Variants in EIF2AK2 observed in about 807,000 individuals in gnomAD.
EIF2AK2 encodes the protein interferon-induced, double-stranded RNA-activated protein kinase.
EIF2AK2 carries 40 observed loss-of-function variants against 70.5 expected under a neutral mutation model. The observed-to-expected ratio is 0.57, with a 90% confidence interval of 0.44 to 0.74. EIF2AK2 has a LOEUF of 0.74. Ranked by LOEUF, EIF2AK2 falls within the 30% of genes least tolerant of loss-of-function variation. EIF2AK2 has a pLI of 0.00. For synonymous variants in EIF2AK2, 198 were observed against 220.9 expected, an observed-to-expected ratio of 0.90 and a Z score of 0.92; for missense variants, 555 against 644.3, an observed-to-expected ratio of 0.86 and a Z score of 1.50.
chr2:37,131,967 G>C (rs180727433), intron 10 of EIF2AK2, among the ~76,000 whole-genome samples: 126 of 152,310 alleles, frequency 8.3e-4, no homozygotes, highest in African/African-American at 2.8e-3. Context: ...TTTGGAGCAA[G>C]TGGGGCTATC....
chr2:37,114,677 A>G (rs1674273451), intron 14 of EIF2AK2, 54 bp downstream of exon 14: 2 of 1,440,472 alleles, frequency 1.4e-6, no homozygotes, highest in Admixed American at 2.6e-5. Flanking sequence ...TACTCTTTTT[A>G]TAATTTTCAA....
In EIF2AK2 at chr2:37,114,726, C is replaced by G; in HGVS notation, c.1377+5G>C. 2 of 1,546,190 alleles carry G rather than the reference C, an allele frequency of 1.3e-6. No homozygotes were observed. Among genetic ancestry groups the G allele is most frequent in the Non-Finnish European group, 1.7e-6 (2 of 1,152,792 alleles). ...AAATATAGACAGACAGGAAAGAGAC[C>G]TTACCTGTTCTGGGCTCATGTATCG... On this transcript the variant is annotated splice_donor_5th_base_variant and intron_variant, in intron 14 of 16. Transcript: ENST00000233057.
intron 10 of EIF2AK2, among the ~76,000 whole-genome samples, chr2:37,126,826 G>A (rs751010730): frequency 9.4e-4 from 143 of 151,846 alleles, no homozygotes; most frequent in Non-Finnish European, 1.4e-3. Context: ...GTGTGGTGGC[G>A]AGTGCCTGTA....
intron 1 of EIF2AK2, among the ~76,000 whole-genome samples, chr2:37,150,259 A>C (rs1431607768): frequency 6.6e-6 from 1 of 152,174 alleles, no homozygotes; most frequent in Non-Finnish European, 1.5e-5. Flanking sequence ...ACTTAAAAGG[A>C]GTATGACAGT....
chr2:37,147,151 G>A (rs535174256), intron 3 of EIF2AK2, among the ~76,000 whole-genome samples, 178 bp from the exon 4 acceptor site: 2 of 152,276 alleles, frequency 1.3e-5, no homozygotes, highest in African/African-American at 2.4e-5. Flanking sequence ...AGCATGGAAA[G>A]GTTTCTACCC....
intron 13 of EIF2AK2, among the ~76,000 whole-genome samples, chr2:37,116,136 C>G (rs558685301): frequency 6.6e-6 from 1 of 152,254 alleles, no homozygotes; most frequent in Admixed American, 6.5e-5. Flanking sequence ...TGACCTCAAG[C>G]AATCTGCTCA....
At position 37,138,598 on chromosome 2, in the gene EIF2AK2, G is replaced by A. The variant is rs1490048449; in HGVS notation, c.517-13C>T. ...GGTAGTCAGATTTCTGAAAGAAAAA[G>A]TATCCCTTAGTAGGCTTAAATACAA... is the stretch of plus-strand genomic sequence containing the variant. On this transcript the variant is annotated splice_polypyrimidine_tract_variant and intron_variant, in intron 6 of 16. Transcript: ENST00000233057. 2 of 1,612,462 alleles carry A rather than the reference G, an allele frequency of 1.2e-6. No individual in the cohort carries two copies.
chr2:37,115,489 AG>A (rs1674311054), intron 13 of EIF2AK2, among the ~76,000 whole-genome samples: 1 of 152,158 alleles, frequency 6.6e-6, no homozygotes, highest in Non-Finnish European at 1.5e-5. Flanking sequence ...CCAGGACTAT[AG>A]GGTGGAAATG....
rs185261026 is a variant in EIF2AK2, at chr2:37,149,713, C to T, written c.-183-690G>A. Among the ~76,000 whole-genome samples the T allele has an allele frequency of 1.8e-3, 274 of 152,288 alleles. 2 individuals carry two copies. The highest frequency in any genetic ancestry group is 6.5e-3 in the African/African-American group (268 of 41,544). On this transcript the variant is annotated intron_variant, in intron 1 of 16. Coordinates refer to ENST00000233057, the MANE Select transcript of EIF2AK2 (RefSeq NM_001135651.3). ...TAACTCTGAGTAATTACAGGAAGTA[C>T]AAACTTCTCTGCTAGTTCTTCAGTC...
At chr2:37,153,679 T>G (rs1191289585) in intron 1 of EIF2AK2, among the ~76,000 whole-genome samples, 5 of 152,226 alleles carry the variant, frequency 3.3e-5, no homozygotes, top group Non-Finnish European at 5.9e-5. Context: ...TTTTTAAGGC[T>G]GAATAATATT....
At position 37,132,857 on chromosome 2, in the gene EIF2AK2, A is replaced by G. The variant is rs112284220; in HGVS notation, c.785+2627T>C. Among the ~76,000 whole-genome samples the G allele has an allele frequency of 2.7e-4, 41 of 152,310 alleles. 1 individual carries two copies. Among genetic ancestry groups the G allele is most frequent in the African/African-American group, 9.9e-4 (41 of 41,574 alleles). ...AAATTGATTTTACCCATATGCCCCC[A>G]GTAAAAAAGGTTCGATTTCTTTTGG... On this transcript the variant is annotated intron_variant, in intron 10 of 16. Transcript: ENST00000233057.
In EIF2AK2 at chr2:37,126,551, T is replaced by A. The variant is rs1019507515; in HGVS notation, c.786-140A>T. On this transcript the variant is annotated intron_variant, in intron 10 of 16. Coordinates refer to ENST00000233057, the MANE Select transcript of EIF2AK2 (RefSeq NM_001135651.3). ...ATTCTCTCCTTCTGAATAAGAAAGA[T>A]CCACTTGGCAGAAACTCTTGACTCA... 5 of 1,311,104 alleles carry A rather than the reference T, an allele frequency of 3.8e-6. No individual in the cohort carries two copies. In the African/African-American group the frequency reaches 7.5e-5, roughly 20 times the overall value. The allele number at this position is 1,311,104 out of a possible 1,614,324, so 81.2% of individuals were successfully genotyped here.
intron 10 of EIF2AK2, among the ~76,000 whole-genome samples, chr2:37,128,405 G>A (rs961378928): frequency 6.6e-6 from 1 of 152,022 alleles, no homozygotes; most frequent in Non-Finnish European, 1.5e-5. Context: ...ATTTACAGGA[G>A]TACTTGTTTT....
intron 7 of EIF2AK2, 35 bp from the exon 8 acceptor site, chr2:37,138,398 TTC>T (rs1188645008): frequency 3.1e-6 from 5 of 1,603,226 alleles, no homozygotes; most frequent in Admixed American, 1.7e-5. Flanking sequence ...AGTTTATTAA[TTC>T]TGTTTTTATC....
chr2:37,154,478 T>C (rs13020602), intron 1 of EIF2AK2, among the ~76,000 whole-genome samples: 62,757 of 152,016 alleles, frequency 0.41, 13,686 homozygotes, highest in East Asian at 0.77. Flanking sequence ...TCTACTTGAC[T>C]TACAACCAGC....
chr2:37,108,768 C>G (rs1488717161), intron 15 of EIF2AK2, among the ~76,000 whole-genome samples: 1 of 152,208 alleles, frequency 6.6e-6, no homozygotes. Flanking sequence ...TGAGATTTCA[C>G]CACGTTGGCC....
chr2:37,123,973 CT>C (rs1674644261), intron 11 of EIF2AK2, among the ~76,000 whole-genome samples: 1 of 150,806 alleles, frequency 6.6e-6, no homozygotes, highest in Middle Eastern at 3.4e-3. Context: ...ATTTTAGATT[CT>C]TCCTTTTTTT....
intron 15 of EIF2AK2, among the ~76,000 whole-genome samples, chr2:37,108,841 T>C (rs1318359723): frequency 6.6e-6 from 1 of 152,198 alleles, no homozygotes; most frequent in Non-Finnish European, 1.5e-5. Context: ...AAGCTGGGAT[T>C]ACAGGGGTGA....
chr2:37,148,860 GT>G lies in EIF2AK2; in HGVS notation c.-21del. ...AAATTCGGAAGACCGCTTGTACCTG[GT>G]TGGAAGCTTTGTCCAAAATGCACGC... On this transcript the variant is annotated 5_prime_UTR_variant, in exon 2 of 17. Coordinates refer to ENST00000233057, the MANE Select transcript of EIF2AK2 (RefSeq NM_001135651.3). 1 of 848,618 alleles carries G rather than the reference GT, an allele frequency of 1.2e-6. No individual in the cohort carries two copies. The allele number at this position is 848,618 out of a possible 1,614,324, so 52.6% of individuals were successfully genotyped here.
Sources: allele counts gnomAD v4.1 joint callset (sites outside exome capture counted in the v4.1 genomes callset), GRCh38; gene constraint gnomAD v4.1.1; transcripts MANE v1.5; gene names NCBI Gene and HGNC (gene_info 2026-07-23, HGNC 2026-07-21).